Variants in PPP1R16B observed in about 807,000 individuals in gnomAD.
PPP1R16B encodes protein phosphatase 1 regulatory inhibitor subunit 16B.
A neutral mutation model predicts 61.7 loss-of-function variants in PPP1R16B; 14 were observed. The ratio of observed to expected loss-of-function variants is 0.23; its 90% CI spans 0.15 to 0.35. The LOEUF (loss-of-function observed/expected upper bound fraction) is 0.35. Among genes scored for constraint, PPP1R16B ranks in the 10% least tolerant of loss-of-function variants. PPP1R16B has a pLI of 1.00. For synonymous variants in PPP1R16B, 266 were observed against 305.3 expected (o/e 0.87, Z 1.34); for missense variants, 547 against 752.5 (o/e 0.73, Z 3.19).
rs572981155 is a variant in PPP1R16B at position 38,840,280 on chromosome 20, C to G, written c.250+4105C>G. 2.8e-3 allele frequency among the ~76,000 whole-genome samples: 429 copies of G among 152,270 alleles called. 2 individuals are homozygous for G. Among genetic ancestry groups the G allele is most frequent in the African/African-American group, 9.7e-3 (405 of 41,540 alleles). On this transcript the variant is annotated intron_variant, in intron 2 of 10. Transcript: ENST00000299824. ...TGGGAGCGTGGGGTGGCAGCTCCCC[C>G]ACTCCCCTGAGCTCACAGCAGCCTC...
At chr20:38,853,436 G>T (rs1217296509) in intron 2 of PPP1R16B, among the ~76,000 whole-genome samples, 1 of 152,192 alleles carries the variant, frequency 6.6e-6, no homozygotes, top group Non-Finnish European at 1.5e-5. Context: ...TGCCAGTTAT[G>T]CTGGAAAAGC....
chr20:38,889,457 A>G (rs994226613), intron 2 of PPP1R16B, 138 bp from the exon 3 acceptor site: 3 of 723,754 alleles, frequency 4.1e-6, no homozygotes, highest in Non-Finnish European at 7.3e-6. Context: ...TCTGGGCGTC[A>G]GTTGTCTCAT....
chr20:38,837,535 C>CTTTTTTTTTTTTTTTTT (rs537975549), intron 2 of PPP1R16B, among the ~76,000 whole-genome samples: 1 of 138,258 alleles, frequency 7.2e-6, no homozygotes, highest in African/African-American at 2.6e-5. Flanking sequence ...AGATTTTTTT[C>CTTTTTTTTTTTTTTTTT]TTTTTTTTTT....
intron 10 of PPP1R16B, among the ~76,000 whole-genome samples, chr20:38,911,036 G>A (rs1601314601): frequency 6.6e-6 from 1 of 151,934 alleles, no homozygotes; most frequent in Non-Finnish European, 1.5e-5. Context: ...TTTAGAGATG[G>A]AATCTTGCTA....
chr20:38,836,483 C>T (rs1380000573), intron 2 of PPP1R16B, among the ~76,000 whole-genome samples: 1 of 152,158 alleles, frequency 6.6e-6, no homozygotes, highest in Admixed American at 6.5e-5. Flanking sequence ...TCCCTAGTAG[C>T]TGGGATCACA....
Position 38,908,000 on chromosome 20 carries a change from G to A in PPP1R16B, c.1029-28G>A. On this transcript the variant is annotated intron_variant, in intron 9 of 10. Coordinates refer to ENST00000299824, the MANE Select transcript of PPP1R16B (RefSeq NM_015568.4). The surrounding 1 kb of genome is among the most constrained non-coding windows in gnomAD (Gnocchi z 4.5). ...CTCCTGCCTGTGGTGCCTGGGTGCA[G>A]CCTCTAGGACCCACTTTGTCCTCTC... is the stretch of plus-strand genomic sequence containing the variant. The A allele has an allele frequency of 6.2e-7, 1 of 1,614,034 alleles. No homozygotes were observed. Among genetic ancestry groups the A allele is most frequent in the Non-Finnish European group, 8.5e-7 (1 of 1,179,934 alleles).
intron 2 of PPP1R16B, among the ~76,000 whole-genome samples, chr20:38,864,932 C>T (rs145468701): frequency 1.3e-5 from 2 of 152,300 alleles, no homozygotes; most frequent in Non-Finnish European, 2.9e-5. Flanking sequence ...ACTTAATTAG[C>T]ATGGCCTCCT....
At chr20:38,838,908 A>G (rs1051125627) in intron 2 of PPP1R16B, among the ~76,000 whole-genome samples, 1 of 152,162 alleles carries the variant, frequency 6.6e-6, no homozygotes, top group African/African-American at 2.4e-5. Flanking sequence ...TTTCACCTCT[A>G]TGGGTCCAGT....
chr20:38,870,778 C>T (rs2085123503), intron 2 of PPP1R16B, among the ~76,000 whole-genome samples: 1 of 152,184 alleles, frequency 6.6e-6, no homozygotes, highest in Non-Finnish European at 1.5e-5. Context: ...TTGCTGCGTT[C>T]TCAGCTCCAA....
chr20:38,865,939 C>A (rs1162712253), intron 2 of PPP1R16B, among the ~76,000 whole-genome samples: 1 of 152,032 alleles, frequency 6.6e-6, no homozygotes, highest in Non-Finnish European at 1.5e-5. Context: ...GCCTGGCCAA[C>A]ATGGTGAAAC....
At chr20:38,909,167 A>G (rs1328099553) in intron 10 of PPP1R16B, among the ~76,000 whole-genome samples, 1 of 151,932 alleles carries the variant, frequency 6.6e-6, no homozygotes, top group African/African-American at 2.4e-5. Context: ...ACGACTGGCT[A>G]ATTTTCAAAT....
rs1221631814 is a variant in PPP1R16B at position 38,907,925 on chromosome 20, G to A, written c.1018G>A (p.Gly340Ser). ...SSLSRRTSSA[G>S]SRGKVVRRAS... ...CTTGAGCCGGAGGACCTCCAGCGCA[G>A]GCAGCCGTGGGTGAGTCCGGGGCAG... Residue 340 changes from glycine (G) to serine (S), a missense_variant, in exon 9 of 11, where the codon GGC (glycine) becomes AGC (serine). By Grantham distance (56) the Gly-to-Ser change is moderately conservative. Transcript: ENST00000299824. The surrounding 1 kb of genome is among the most constrained non-coding windows in gnomAD (Gnocchi z 4.5). The A allele has an allele frequency of 6.2e-7, 1 of 1,614,108 alleles. No homozygotes were observed. Among genetic ancestry groups the A allele is most frequent in the Non-Finnish European group, 8.5e-7 (1 of 1,180,038 alleles).
At chr20:38,895,816 T>TCCTTCTTTCTTCCCTCCCTC in intron 4 of PPP1R16B, 106 bp downstream of exon 4, 1 of 566,862 alleles carries the variant, frequency 1.8e-6, no homozygotes, top group Non-Finnish European at 2.5e-6. Flanking sequence ...TCTCCTCCCT[T>TCCTTCTTTCTTCCCTCCCTC]CCTCCTTCCT....
chr20:38,906,918 C>T, intron 7 of PPP1R16B, 61 bp from the exon 8 acceptor site: 1 of 1,453,512 alleles, frequency 6.9e-7, no homozygotes, highest in East Asian at 2.3e-5. Context: ...GCACTCTCTC[C>T]ACCTCCTAGG....
intron 2 of PPP1R16B, among the ~76,000 whole-genome samples, chr20:38,868,716 G>A (rs543777): frequency 3.9e-4 from 60 of 151,956 alleles, no homozygotes; most frequent in Middle Eastern, 3.4e-3. Context: ...TTCACCAATT[G>A]GATCCAGATT....
intron 10 of PPP1R16B, among the ~76,000 whole-genome samples, chr20:38,908,875 C>T (rs967167528): frequency 6.6e-5 from 10 of 152,238 alleles, no homozygotes; most frequent in Admixed American, 2.6e-4. Context: ...TTCTGTTCCA[C>T]GCCTCTGCGA....
At chr20:38,913,513 G>C (rs531289233) in intron 10 of PPP1R16B, among the ~76,000 whole-genome samples, 1 of 151,916 alleles carries the variant, frequency 6.6e-6, no homozygotes, top group East Asian at 1.9e-4. Context: ...CACCCGCCTC[G>C]ACCTCCCAAA....
intron 2 of PPP1R16B, among the ~76,000 whole-genome samples, chr20:38,840,916 T>C (rs2084905192): frequency 1.3e-5 from 2 of 152,242 alleles, no homozygotes; most frequent in African/African-American, 4.8e-5. Context: ...AGTGGTATGG[T>C]CAGAGCTACG....
chr20:38,872,486 T>C (rs1325386373), intron 2 of PPP1R16B, among the ~76,000 whole-genome samples: 1 of 152,110 alleles, frequency 6.6e-6, no homozygotes, highest in Non-Finnish European at 1.5e-5. Context: ...GAGACACCAT[T>C]CTCAAACTTG....
Sources: gnomAD v4.1 joint callset for allele counts (sites outside exome capture counted in the v4.1 genomes callset) on GRCh38, gnomAD v4.1.1 for gene constraint, Gnocchi (gnomAD v3.1) non-coding constraint, MANE v1.5 for transcripts, NCBI Gene and HGNC (gene_info 2026-07-23, HGNC 2026-07-21) for gene names.